Variants in CAMSAP1 observed in about 807,000 individuals in gnomAD.
CAMSAP1 encodes calmodulin-regulated spectrin-associated protein 1.
Under a neutral mutation model 143.5 loss-of-function variants are expected in CAMSAP1, and 58 were observed. The observed-to-expected ratio is 0.40, with a 90% CI of 0.33 to 0.50. The LOEUF is 0.50. Among genes scored for constraint, CAMSAP1 ranks in the 20% least tolerant of loss-of-function variants. The pLI is 0.45. For synonymous variants in CAMSAP1, 945 were observed against 859.3 expected, an observed-to-expected ratio of 1.10 and a Z score of -1.74; for missense variants, 1,969 against 2,115.7, an observed-to-expected ratio of 0.93 and a Z score of 1.36.
intron 7 of CAMSAP1, among the ~76,000 whole-genome samples, chr9:135,838,940 C>T (rs1161615478): frequency 6.6e-6 from 1 of 152,004 alleles, no homozygotes; most frequent in East Asian, 1.9e-4. Context: ...TCTTCAGAGA[C>T]ATATCACCAC....
Position 135,907,210 on chromosome 9 carries a change from GC to G in CAMSAP1, c.-52del. 9.8e-7 allele frequency: 1 copy of G among 1,023,580 alleles called. No individual in the cohort carries two copies. Among genetic ancestry groups the G allele is most frequent in the Non-Finnish European group, 1.2e-6 (1 of 851,584 alleles). The allele number at this position is 1,023,580 out of a possible 1,614,324, so 63.4% of individuals were successfully genotyped here. ...GCCCGGCCGCAACAAAGGCGCCGCC[GC>G]CCCTCGCCGCGCCGGGCCCGGTGCG... On this transcript the variant is annotated 5_prime_UTR_variant, in exon 1 of 17. Transcript: ENST00000389532.
chr9:135,841,606 T>G (rs764143304), intron 7 of CAMSAP1, among the ~76,000 whole-genome samples: 5 of 152,156 alleles, frequency 3.3e-5, no homozygotes, highest in Non-Finnish European at 7.3e-5. Flanking sequence ...AGAGCTCCGG[T>G]TGACATCCGG....
At chr9:135,829,567 A>C (rs1835785185) in intron 7 of CAMSAP1, among the ~76,000 whole-genome samples, 1 of 152,080 alleles carries the variant, frequency 6.6e-6, no homozygotes, top group Non-Finnish European at 1.5e-5. Flanking sequence ...AAATAACAAT[A>C]AATTGGCCAG....
In CAMSAP1 at chr9:135,809,919, TTGTC is replaced by T. The variant is rs1332581672; in HGVS notation, c.*1386_*1389del. ...TATGTACACGACTCACTCATGTTTTTTGTCTATCTAAAATTATGTAACAGTTAAA... is the reference window on the plus strand; with the variant it reads ...TATGTACACGACTCACTCATGTTTTTTATCTAAAATTATGTAACAGTTAAA... On this transcript the variant is annotated 3_prime_UTR_variant, in exon 17 of 17. Coordinates refer to ENST00000389532, the MANE Select transcript of CAMSAP1 (RefSeq NM_015447.4). The T allele has an allele frequency of 6.4e-4, 97 of 152,386 alleles. 1 individual carries two copies. The highest frequency in any genetic ancestry group is 1.3e-4 in the Non-Finnish European group (9 of 68,046). 9.4% of individuals were successfully genotyped at this position (152,386 alleles called of 1,614,324 possible).
intron 7 of CAMSAP1, among the ~76,000 whole-genome samples, chr9:135,835,707 G>A (rs1037933061): frequency 3.9e-5 from 6 of 152,222 alleles, no homozygotes; most frequent in Non-Finnish European, 2.9e-5. Flanking sequence ...GGCTGGGCAC[G>A]GTGGCTCACG....
In CAMSAP1 at chr9:135,818,987, T is replaced by G; in HGVS notation, c.3959+23A>C. 1.9e-6 allele frequency: 3 copies of G among 1,601,852 alleles called. No individual in the cohort carries two copies. The highest frequency in any genetic ancestry group is 2.5e-6 in the Non-Finnish European group (3 of 1,178,356). On this transcript the variant is annotated intron_variant, in intron 12 of 16. Transcript: ENST00000389532. This position sits in a 1 kb window ranked among gnomAD's most constrained non-coding sequence, Gnocchi z 7.7. The stretch of plus-strand genomic sequence containing the variant: ...CCACCAGGCTCCTGCTCAGTCTGCT[T>G]TCCCCCCCGGCGGGACGCTTACCGG...
At chr9:135,815,292 C>A in intron 15 of CAMSAP1, 77 bp from the exon 16 acceptor site, 1 of 901,170 alleles carries the variant, frequency 1.1e-6, no homozygotes, top group Admixed American at 2.9e-5. Flanking sequence ...CCAGCAATGT[C>A]TTAGAAGCAA....
intron 3 of CAMSAP1, among the ~76,000 whole-genome samples, chr9:135,876,238 C>T (rs1837743566): frequency 6.6e-6 from 1 of 152,188 alleles, no homozygotes; most frequent in African/African-American, 2.4e-5. Flanking sequence ...CAGGTGTGAG[C>T]CACCACACCC....
At chr9:135,872,722 G>C (rs771775469) in intron 3 of CAMSAP1, among the ~76,000 whole-genome samples, 1 of 152,238 alleles carries the variant, frequency 6.6e-6, no homozygotes, top group African/African-American at 2.4e-5. Context: ...CACATTAAAT[G>C]AAGTAGACTT....
At chr9:135,847,850 G>T (rs1483333175) in intron 7 of CAMSAP1, among the ~76,000 whole-genome samples, 1 of 15,158 alleles carries the variant, frequency 6.6e-5, no homozygotes, top group African/African-American at 3.1e-4. Context: ...GGAAGGGGAG[G>T]GGAGTGGGGG....
intron 5 of CAMSAP1, among the ~76,000 whole-genome samples, chr9:135,853,406 C>CA (rs1224951976): frequency 6.6e-6 from 1 of 152,146 alleles, no homozygotes; most frequent in East Asian, 1.9e-4. Flanking sequence ...GTGTTACTCT[C>CA]AAATGGTTGA....
At chr9:135,897,358 T>C (rs954331354) in intron 1 of CAMSAP1, among the ~76,000 whole-genome samples, 1 of 152,112 alleles carries the variant, frequency 6.6e-6, no homozygotes, top group African/African-American at 2.4e-5. Flanking sequence ...CTTGCTATGT[T>C]GCCCAGGCTG....
chr9:135,846,856 T>C (rs1428462256), intron 7 of CAMSAP1, among the ~76,000 whole-genome samples: 1 of 152,146 alleles, frequency 6.6e-6, no homozygotes, highest in Admixed American at 6.5e-5. Context: ...ACAGTTAGAA[T>C]GGCGATCATT....
chr9:135,869,550 G>A (rs1415589121), intron 3 of CAMSAP1, among the ~76,000 whole-genome samples: 1 of 151,734 alleles, frequency 6.6e-6, no homozygotes, highest in African/African-American at 2.4e-5. Flanking sequence ...TGTTAGCAAG[G>A]ATGGGGAAAA....
chr9:135,831,799 C>T (rs1489960982), intron 7 of CAMSAP1, among the ~76,000 whole-genome samples: 5 of 152,042 alleles, frequency 3.3e-5, no homozygotes, highest in Non-Finnish European at 7.4e-5. Flanking sequence ...AAAATGATCA[C>T]AAGGGCCTAT....
chr9:135,880,024 T>C (rs904619716), intron 3 of CAMSAP1, among the ~76,000 whole-genome samples: 2 of 152,118 alleles, frequency 1.3e-5, no homozygotes, highest in African/African-American at 4.8e-5. Flanking sequence ...ACCATTTTCA[T>C]AGGTGATAAG....
In CAMSAP1 at chr9:135,907,037, G is replaced by C. The variant is rs1838805726; in HGVS notation, c.123C>G (p.Ala41=). The change falls in exon 1 of 17, where the codon GCC becomes GCG. Residue 41 remains alanine (A), a synonymous_variant. Transcript: ENST00000389532. ...RYDAARAKIA[A]NLQWICAKAY... ...CCTTGGCGCAGATCCACTGCAGGTT[G>C]GCGGCGATCTTGGCGCGCGCCGCGT... 1 of 1,201,136 alleles carries C rather than the reference G, an allele frequency of 8.3e-7. No individual in the cohort carries two copies. Among genetic ancestry groups the C allele is most frequent in the East Asian group, 4.3e-5 (1 of 23,268 alleles). 74.4% of individuals were successfully genotyped at this position (1,201,136 alleles called of 1,614,324 possible).
At chr9:135,869,408 C>T (rs570115046) in intron 3 of CAMSAP1, among the ~76,000 whole-genome samples, 24 of 151,604 alleles carry the variant, frequency 1.6e-4, no homozygotes, top group African/African-American at 4.8e-4. Context: ...GAGGCTGAGG[C>T]AGGAGAATCA....
At chr9:135,878,150 G>A (rs910958165) in intron 3 of CAMSAP1, among the ~76,000 whole-genome samples, 24 of 152,196 alleles carry the variant, frequency 1.6e-4, no homozygotes, top group Non-Finnish European at 3.4e-4. Context: ...TTCCTCAGAC[G>A]GCAGGGAGGC....
Sources: gnomAD v4.1 joint callset for allele counts (sites outside exome capture counted in the v4.1 genomes callset) on GRCh38, gnomAD v4.1.1 for gene constraint, Gnocchi (gnomAD v3.1) non-coding constraint, MANE v1.5 for transcripts, NCBI Gene and HGNC (gene_info 2026-07-23, HGNC 2026-07-21) for gene names.